Variants in FBXL18 observed in about 807,000 individuals in gnomAD.
FBXL18 encodes F-box and leucine rich repeat protein 18.
In FBXL18, 36 loss-of-function variants were observed where a neutral mutation model predicts 46.0. The observed-to-expected ratio is 0.78, with a 90% CI of 0.60 to 1.03. The LOEUF (loss-of-function observed/expected upper bound fraction) is 1.03, where lower values mean the gene tolerates loss of function less well. FBXL18 is among the 50% of genes least tolerant of loss of function. The probability of loss-of-function intolerance (pLI) is 0.00; values close to 1 mark genes in which losing one functional copy is unlikely to be tolerated. For missense variants in FBXL18, 977 were observed against 1,004.1 expected (o/e 0.97, Z 0.36); for synonymous variants, 557 against 465.3 (o/e 1.20, Z -2.54).
chr7:5,502,598 A>G (rs1456601058), intron 2 of FBXL18, among the ~76,000 whole-genome samples: 9 of 151,958 alleles, frequency 5.9e-5, no homozygotes, highest in Non-Finnish European at 2.9e-5. Context: ...TGGGAGGCCA[A>G]CGAAGGCAGA....
chr7:5,509,948 C>A (rs1392354945), intron 1 of FBXL18, among the ~76,000 whole-genome samples: 1 of 152,036 alleles, frequency 6.6e-6, no homozygotes, highest in African/African-American at 2.4e-5. Flanking sequence ...CCGGAGACAA[C>A]TTTGTTAAGT....
At chr7:5,509,142 G>A (rs564091131) in intron 1 of FBXL18, among the ~76,000 whole-genome samples, 9 of 148,464 alleles carry the variant, frequency 6.1e-5, no homozygotes, top group Middle Eastern at 3.5e-3. Context: ...GCAGTGAGCC[G>A]AGATCGCACC....
In FBXL18 at chr7:5,513,806, T is replaced by G; in HGVS notation, c.-132A>C. ...CCGGCAAGGAGCGGGCTCTCGTCAC[T>G]TCCGGCGCCCGCCTACACGCACTTC... On this transcript the variant is annotated 5_prime_UTR_variant, in exon 1 of 5. Transcript: ENST00000382368. 2 of 1,295,476 alleles carry G rather than the reference T, an allele frequency of 1.5e-6. No individual in the cohort carries two copies. The highest frequency in any genetic ancestry group is 1.5e-5 in the African/African-American group (1 of 67,138). 80.2% of individuals were successfully genotyped at this position (1,295,476 alleles called of 1,614,324 possible).
intron 4 of FBXL18, 55 bp downstream of exon 4, chr7:5,491,176 G>A (rs921431093): frequency 1.4e-5 from 21 of 1,490,690 alleles, no homozygotes; most frequent in African/African-American, 2.8e-5. Flanking sequence ...ACCAGGTCAC[G>A]GGATGCTGGT....
chr7:5,487,288 C>T (rs939037300), intron 4 of FBXL18, among the ~76,000 whole-genome samples: 3 of 152,354 alleles, frequency 2.0e-5, no homozygotes, highest in East Asian at 1.9e-4. Flanking sequence ...TACAGGTGTC[C>T]GTGGACGGGG....
At chr7:5,474,596 A>T (rs1783478091), downstream of FBXL18, among the ~76,000 whole-genome samples, 1 of 151,826 alleles carries the variant, frequency 6.6e-6, no homozygotes, top group South Asian at 2.1e-4. Flanking sequence ...GATTACAAGC[A>T]TGAGCCACCG....
At chr7:5,492,995 G>A (rs946738851) in intron 3 of FBXL18, among the ~76,000 whole-genome samples, 1 of 152,176 alleles carries the variant, frequency 6.6e-6, no homozygotes, top group African/African-American at 2.4e-5. Context: ...AGCCACAGCA[G>A]AAGGCGCCAC....
At chr7:5,497,763 C>A (rs1213473709) in intron 3 of FBXL18, among the ~76,000 whole-genome samples, 1 of 152,250 alleles carries the variant, frequency 6.6e-6, no homozygotes, top group East Asian at 1.9e-4. Context: ...CCCACAGCCT[C>A]ATCTGGGAAA....
intron 4 of FBXL18, among the ~76,000 whole-genome samples, chr7:5,459,063 G>C (rs1647392206): frequency 1.3e-5 from 2 of 152,174 alleles, no homozygotes; most frequent in Admixed American, 1.3e-4. Flanking sequence ...TGAGGGTAGA[G>C]GACTGCCTGA....
intron 3 of FBXL18, among the ~76,000 whole-genome samples, chr7:5,493,883 C>G (rs1007943340): frequency 1.3e-5 from 2 of 151,992 alleles, no homozygotes; most frequent in East Asian, 3.9e-4. Context: ...TCTATAATCC[C>G]AGCACCTTGG....
intron 4 of FBXL18, among the ~76,000 whole-genome samples, chr7:5,458,347 T>C (rs180824917): frequency 1.5e-3 from 225 of 152,192 alleles, no homozygotes; most frequent in African/African-American, 4.6e-3. Context: ...AGTGGATCGC[T>C]TGAGGTCAGG....
At chr7:5,474,526 G>GGCT (rs1474271290), downstream of FBXL18, among the ~76,000 whole-genome samples, 1 of 151,876 alleles carries the variant, frequency 6.6e-6, no homozygotes, top group African/African-American at 2.4e-5. Context: ...ACGTTGCCCA[G>GGCT]GCTGCTCTCA....
chr7:5,500,955 C>CTGGGCGGGCGCGCGG lies in FBXL18; in HGVS notation c.1299_1313dup (p.Ala437_Gln438insHisArgAlaProAla). The CTGGGCGGGCGCGCGG allele has an allele frequency of 1.3e-6, 2 of 1,538,330 alleles. No individual in the cohort carries two copies. The highest frequency in any genetic ancestry group is 1.7e-6 in the Non-Finnish European group (2 of 1,147,248). ...CGCGCGGCACTGCGTGCATGGCCGGCTGGGCGGGCGCGCGGTCGGCGCGCG... is the reference window on the plus strand; with the variant it reads ...CGCGCGGCACTGCGTGCATGGCCGGCTGGGCGGGCGCGCGGTGGGCGGGCGCGCGGTCGGCGCGCG... On this transcript the variant is annotated inframe_insertion, in exon 3 of 5. Coordinates refer to ENST00000382368, the MANE Select transcript of FBXL18 (RefSeq NM_024963.6).
chr7:5,469,814 G>A (rs937733793), intron 4 of FBXL18, among the ~76,000 whole-genome samples: 2 of 151,892 alleles, frequency 1.3e-5, no homozygotes, highest in African/African-American at 4.8e-5. Flanking sequence ...GAGCACTGCT[G>A]GAACTGTGTG....
chr7:5,463,722 T>A (rs1176033237), intron 4 of FBXL18, among the ~76,000 whole-genome samples: 2,865 of 68,914 alleles, frequency 0.042, 115 homozygotes, highest in Middle Eastern at 0.075. Flanking sequence ...ATTTATTTAT[T>A]TATTTATTTT....
intron 4 of FBXL18, among the ~76,000 whole-genome samples, chr7:5,462,575 C>T (rs1382695851): frequency 6.6e-6 from 1 of 152,112 alleles, no homozygotes; most frequent in African/African-American, 2.4e-5. Flanking sequence ...GATGTTTTCA[C>T]CTGCAGCTCT....
intron 4 of FBXL18, among the ~76,000 whole-genome samples, chr7:5,470,523 C>T (rs55885373): frequency 0.062 from 9,388 of 152,234 alleles, 396 homozygotes; most frequent in Non-Finnish European, 0.09. Flanking sequence ...CCAGAGAAAC[C>T]GCAGGAAGGG....
At position 5,507,359 on chromosome 7, in the gene FBXL18, GC is replaced by G. The variant is rs1207698884; in HGVS notation, c.19-1730del. Reference sequence around the variant, plus strand: ...TCCCATCCTGCTAAGCCCTCGCCAGGCCCTAGACAGGTGTGCTGGAATGTGT... The same window carrying G: ...TCCCATCCTGCTAAGCCCTCGCCAGGCCTAGACAGGTGTGCTGGAATGTGT... On this transcript the variant is annotated intron_variant, in intron 1 of 4. Coordinates refer to ENST00000382368, the MANE Select transcript of FBXL18 (RefSeq NM_024963.6). 2.6e-5 allele frequency among the ~76,000 whole-genome samples: 4 copies of G among 152,216 alleles called. No homozygotes were observed. The East Asian group carries it at 7.7e-4, about 29-fold the overall frequency.
intron 4 of FBXL18, among the ~76,000 whole-genome samples, chr7:5,486,200 G>A (rs1018897176): frequency 3.3e-5 from 5 of 149,766 alleles, no homozygotes; most frequent in East Asian, 1.9e-4. Context: ...GCAGTGAACC[G>A]AGATGGTACC....
Sources: gnomAD v4.1 joint callset for allele counts (sites outside exome capture counted in the v4.1 genomes callset) on GRCh38, gnomAD v4.1.1 for gene constraint, MANE v1.5 for transcripts, NCBI Gene and HGNC (gene_info 2026-07-23, HGNC 2026-07-21) for gene names.